Variants in GPSM2 observed in about 807,000 individuals in gnomAD.
GPSM2 encodes G protein-signaling modulator 2.
GPSM2 carries 58 observed loss-of-function variants against 78.4 expected under a neutral mutation model. That is an observed-to-expected ratio of 0.74 (90% confidence interval 0.60 to 0.92). The LOEUF is 0.92. Ranked by LOEUF, GPSM2 falls within the 40% of genes least tolerant of loss-of-function variation. The pLI is 0.00. For missense variants in GPSM2, 700 were observed against 815.5 expected (o/e 0.86, Z 1.73); for synonymous variants, 224 against 280.2 (o/e 0.80, Z 2.00).
intron 1 of GPSM2, among the ~76,000 whole-genome samples, chr1:108,880,378 T>G (rs912064742): frequency 6.6e-6 from 1 of 152,198 alleles, no homozygotes; most frequent in Non-Finnish European, 1.5e-5. Context: ...GCGGATCACT[T>G]GAGACCAGGA....
intron 2 of GPSM2, among the ~76,000 whole-genome samples, chr1:108,895,535 G>C (rs1231913225): frequency 6.6e-6 from 1 of 152,180 alleles, no homozygotes; most frequent in Non-Finnish European, 1.5e-5. Flanking sequence ...TCCGCCTCCT[G>C]TCAGATCAGC....
At chr1:108,924,459 A>T in intron 14 of GPSM2, 1 of 546,454 alleles carries the variant, frequency 1.8e-6, no homozygotes, top group Non-Finnish European at 3.3e-6. Context: ...ATATATATAG[A>T]GAGAGAGTAT....
At chr1:108,919,452 T>C (rs1310843783) in intron 12 of GPSM2, among the ~76,000 whole-genome samples, 1 of 152,190 alleles carries the variant, frequency 6.6e-6, no homozygotes, top group African/African-American at 2.4e-5. Context: ...AAATATTAAT[T>C]TAGAATGAAA....
chr1:108,920,584 C>A (rs1650631392), intron 12 of GPSM2, among the ~76,000 whole-genome samples: 1 of 151,836 alleles, frequency 6.6e-6, no homozygotes, highest in African/African-American at 2.4e-5. Flanking sequence ...TATACCTACA[C>A]CTTTGTGTAG....
chr1:108,925,552 G>A (rs1360198175), intron 14 of GPSM2, among the ~76,000 whole-genome samples: 2 of 152,138 alleles, frequency 1.3e-5, no homozygotes, highest in Non-Finnish European at 2.9e-5. Context: ...GGGGTGTGGT[G>A]TGGTGGAAAT....
At chr1:108,919,262 C>A (rs1221660933) in intron 12 of GPSM2, among the ~76,000 whole-genome samples, 3 of 152,166 alleles carry the variant, frequency 2.0e-5, no homozygotes, top group Non-Finnish European at 4.4e-5. Context: ...CCTGCCTTGG[C>A]CTCCCAAAGT....
chr1:108,911,322 G>A (rs1649722990), intron 10 of GPSM2, among the ~76,000 whole-genome samples: 1 of 152,140 alleles, frequency 6.6e-6, no homozygotes, highest in Admixed American at 6.5e-5. Context: ...GAGATCAGAA[G>A]TTCAAGATCA....
At chr1:108,879,601 G>C (rs539282083) in intron 1 of GPSM2, among the ~76,000 whole-genome samples, 1 of 152,118 alleles carries the variant, frequency 6.6e-6, no homozygotes, top group African/African-American at 2.4e-5. Context: ...TTGGGAGGCC[G>C]AGGTGGGCGG....
intron 1 of GPSM2, among the ~76,000 whole-genome samples, chr1:108,879,477 C>A (rs1361039703): frequency 6.6e-6 from 1 of 152,172 alleles, no homozygotes; most frequent in African/African-American, 2.4e-5. Flanking sequence ...ATCTTCCTAG[C>A]AGAGATCCAA....
chr1:108,905,774 A>G (rs1244123114), intron 10 of GPSM2, among the ~76,000 whole-genome samples: 2 of 152,092 alleles, frequency 1.3e-5, no homozygotes, highest in East Asian at 3.8e-4. Context: ...TTCTGTGATG[A>G]TAAAAACGTT....
rs12135504 is a variant in GPSM2 at position 108,934,316 on chromosome 1, T to C, written c.*4376T>C. ...TAGGCAATGTAAATTGGTTAGTGGG[T>C]TCCCGTAAGTGCCTGTAACAATAAA... On this transcript the variant is annotated 3_prime_UTR_variant, in exon 15 of 15. Coordinates refer to ENST00000264126, the MANE Select transcript of GPSM2 (RefSeq NM_013296.5). The C allele has an allele frequency of 0.058, 12,495 of 213,898 alleles. 547 individuals are homozygous for C. The highest frequency in any genetic ancestry group is 0.14 in the African/African-American group (5,988 of 43,752). 13.3% of individuals were successfully genotyped at this position (213,898 alleles called of 1,614,324 possible).
Position 108,931,400 on chromosome 1 carries a change from G to A in GPSM2, c.*1460G>A, listed in dbSNP as rs547967184. On this transcript the variant is annotated 3_prime_UTR_variant, in exon 15 of 15. Transcript: ENST00000264126. The stretch of plus-strand genomic sequence containing the variant: ...AGTATGGGACAGACTGGGACCTGGA[G>A]TAACACTGGATCACAGACTGCAAAG... The A allele has an allele frequency of 1.9e-5, 29 of 1,548,942 alleles. No homozygotes were observed. In the African/African-American group the frequency reaches 3.5e-4, roughly 19 times the overall value.
At chr1:108,887,296 CT>C (rs1378628032) in intron 2 of GPSM2, among the ~76,000 whole-genome samples, 3 of 152,090 alleles carry the variant, frequency 2.0e-5, no homozygotes, top group African/African-American at 4.8e-5. Flanking sequence ...AGAAAGAGGC[CT>C]GTAACAGACA....
chr1:108,917,649 T>C (rs1405860675), intron 11 of GPSM2, among the ~76,000 whole-genome samples: 16 of 94,710 alleles, frequency 1.7e-4, no homozygotes, highest in Middle Eastern at 6.0e-3. Context: ...TATATATATA[T>C]ATATATATAT....
In GPSM2 at chr1:108,918,704, G is replaced by A. The variant is rs769996026; in HGVS notation, c.1355G>A (p.Gly452Glu). 1.2e-6 allele frequency: 2 copies of A among 1,613,176 alleles called. No individual in the cohort carries two copies. Among genetic ancestry groups the A allele is most frequent in the Non-Finnish European group, 1.7e-6 (2 of 1,179,322 alleles). Reference sequence around the variant, plus strand: ...CTACTCTTTGTCAACAGACTGAAGGGGAAAAAATACAAAACGAATTCCTCC... The same window carrying A: ...CTACTCTTTGTCAACAGACTGAAGGAGAAAAAATACAAAACGAATTCCTCC... ...AKLLFVNRLK[G>E]KKYKTNSSTK... Residue 452 changes from glycine (G) to glutamate (E), a missense_variant, in exon 12 of 15, where the codon GGG (glycine) becomes GAG (glutamate). Coordinates refer to ENST00000264126, the MANE Select transcript of GPSM2 (RefSeq NM_013296.5).
intron 7 of GPSM2, among the ~76,000 whole-genome samples, chr1:108,900,831 A>C (rs570777162): frequency 1.3e-5 from 2 of 152,342 alleles, no homozygotes; most frequent in Admixed American, 1.3e-4. Context: ...TCATCATTAA[A>C]TATGTAACTT....
chr1:108,909,361 A>G (rs1649520221), intron 10 of GPSM2, among the ~76,000 whole-genome samples: 2 of 152,220 alleles, frequency 1.3e-5, no homozygotes, highest in African/African-American at 4.8e-5. Flanking sequence ...GCAAATCTCA[A>G]CAAATTTAAA....
At chr1:108,911,767 T>C (rs1396065383) in intron 10 of GPSM2, among the ~76,000 whole-genome samples, 1 of 150,200 alleles carries the variant, frequency 6.7e-6, no homozygotes, top group African/African-American at 2.4e-5. Flanking sequence ...TAGTAATTGA[T>C]GGGTGATAAA....
intron 13 of GPSM2, 138 bp from the exon 14 acceptor site, chr1:108,923,862 C>A: frequency 1.4e-6 from 1 of 691,824 alleles, no homozygotes; most frequent in Non-Finnish European, 2.6e-6. Context: ...TCAGTGTCAG[C>A]GCTATAGCAG....
Sources: allele counts gnomAD v4.1 joint callset (sites outside exome capture counted in the v4.1 genomes callset), GRCh38; gene constraint gnomAD v4.1.1; transcripts MANE v1.5; gene names NCBI Gene and HGNC (gene_info 2026-07-23, HGNC 2026-07-21).